ASIC2: variants seen among roughly 807,000 people sequenced by gnomAD.
ASIC2 encodes acid-sensing ion channel 2.
A neutral mutation model predicts 57.3 loss-of-function variants in ASIC2; 25 were observed. That is an observed-to-expected ratio of 0.44 (90% CI 0.32 to 0.61). The LOEUF is 0.61. ASIC2 is among the 20% of genes least tolerant of loss of function. The probability of loss-of-function intolerance (pLI) is 0.06; values close to 1 mark genes in which losing one functional copy is unlikely to be tolerated. For missense variants in ASIC2, 641 were observed against 738.1 expected, an observed-to-expected ratio of 0.87 and a Z score of 1.52; for synonymous variants, 319 against 307.5, an observed-to-expected ratio of 1.04 and a Z score of -0.39.
rs137920710 is a variant in ASIC2 at position 34,003,598 on chromosome 17, A to T, written c.555+152380T>A. The T allele has an allele frequency of 5.9e-5, 9 of 152,246 alleles. No homozygotes were observed. The East Asian group carries it at 1.7e-3, about 29-fold the overall frequency. 9.4% of individuals were successfully genotyped at this position (152,246 alleles called of 1,614,324 possible). On this transcript the variant is annotated intron_variant, in intron 1 of 9. Transcript: ENST00000359872. ...ATCATCATGATTAACTGATGTTTCC[A>T]GCAAGGCTAGGTGCTTTGCGTGTTT...
chr17:33,331,754 T>G (rs1465615376), intron 1 of ASIC2, among the ~76,000 whole-genome samples: 2 of 152,244 alleles, frequency 1.3e-5, no homozygotes, highest in African/African-American at 4.8e-5. Flanking sequence ...TAATATCATT[T>G]AGTTCTTACA....
intron 1 of ASIC2, among the ~76,000 whole-genome samples, chr17:33,871,330 C>A (rs1914400502): frequency 1.3e-5 from 2 of 152,180 alleles, no homozygotes; most frequent in Admixed American, 1.3e-4. Flanking sequence ...GTATTTTGGG[C>A]AGCACTTGAA....
At chr17:33,324,765 A>T (rs138966287) in intron 1 of ASIC2, among the ~76,000 whole-genome samples, 1 of 152,250 alleles carries the variant, frequency 6.6e-6, no homozygotes, top group African/African-American at 2.4e-5. Context: ...CAGCACAAAG[A>T]CTGTTTCTGT....
At chr17:33,710,187 G>A (rs1042294253) in intron 1 of ASIC2, among the ~76,000 whole-genome samples, 1 of 152,182 alleles carries the variant, frequency 6.6e-6, no homozygotes, top group South Asian at 2.1e-4. Context: ...AAGCCATGTG[G>A]CAAGAGAGAC....
intron 1 of ASIC2, among the ~76,000 whole-genome samples, chr17:33,773,544 C>A (rs1298378168): frequency 1.3e-5 from 2 of 152,026 alleles, no homozygotes; most frequent in African/African-American, 4.8e-5. Context: ...TAGTCATTTT[C>A]TCTCTGTGGA....
At chr17:33,627,246 C>G (rs979774729) in intron 1 of ASIC2, 3 of 152,256 alleles carry the variant, frequency 2.0e-5, no homozygotes, top group African/African-American at 7.2e-5. Context: ...CATGTCTTCC[C>G]TGGAGCAACC....
chr17:33,609,229 A>G (rs983849266), intron 1 of ASIC2, among the ~76,000 whole-genome samples: 28 of 152,168 alleles, frequency 1.8e-4, no homozygotes, highest in Non-Finnish European at 3.1e-4. Flanking sequence ...TTATCTTTGT[A>G]CAAGGCAAAA....
chr17:33,267,193 C>A (rs1357074835), intron 1 of ASIC2, among the ~76,000 whole-genome samples: 1 of 152,124 alleles, frequency 6.6e-6, no homozygotes, highest in Non-Finnish European at 1.5e-5. Flanking sequence ...CACATGCCCA[C>A]ATAAACACAC....
At chr17:33,816,425 T>C (rs982761198) in intron 1 of ASIC2, among the ~76,000 whole-genome samples, 2 of 152,218 alleles carry the variant, frequency 1.3e-5, no homozygotes, top group African/African-American at 4.8e-5. Context: ...TGTTAGCTCA[T>C]GTAATTCTGG....
At chr17:33,808,371 T>G (rs956502202) in intron 1 of ASIC2, among the ~76,000 whole-genome samples, 3 of 152,228 alleles carry the variant, frequency 2.0e-5, no homozygotes, top group Admixed American at 6.5e-5. Flanking sequence ...CTCTATTCTT[T>G]CCATTGATCC....
chr17:33,494,405 A>G (rs1220691868), intron 1 of ASIC2, among the ~76,000 whole-genome samples: 1 of 152,196 alleles, frequency 6.6e-6, no homozygotes, highest in African/African-American at 2.4e-5. Flanking sequence ...AGACTCTTAG[A>G]GATTGTGGCC....
chr17:33,799,403 T>TTTCTTTTCTTTCTTTCTTTC (rs756059318), intron 1 of ASIC2, among the ~76,000 whole-genome samples: 6 of 51,360 alleles, frequency 1.2e-4, no homozygotes, highest in African/African-American at 3.9e-4. Context: ...TCTTTCTTTC[T>TTTCTTTTCTTTCTTTCTTTC]TTTCTTTCTT....
intron 1 of ASIC2, among the ~76,000 whole-genome samples, chr17:33,157,985 G>A (rs1449660937): frequency 6.6e-6 from 1 of 152,192 alleles, no homozygotes; most frequent in Non-Finnish European, 1.5e-5. Flanking sequence ...CTCCTGGAAT[G>A]TTCCTCCCCC....
intron 1 of ASIC2, among the ~76,000 whole-genome samples, chr17:33,684,279 G>A (rs576367451): frequency 6.6e-6 from 1 of 152,336 alleles, no homozygotes; most frequent in African/African-American, 2.4e-5. Context: ...TGGCTACCAG[G>A]AGCTCCAGGG....
intron 1 of ASIC2, among the ~76,000 whole-genome samples, chr17:33,756,086 T>C (rs1192976962): frequency 6.6e-6 from 1 of 152,216 alleles, no homozygotes; most frequent in Non-Finnish European, 1.5e-5. Context: ...ACCCCAATAC[T>C]CTATCAGCAT....
At chr17:33,613,896 T>C (rs1476518296) in intron 1 of ASIC2, among the ~76,000 whole-genome samples, 2 of 152,146 alleles carry the variant, frequency 1.3e-5, no homozygotes, top group African/African-American at 4.8e-5. Context: ...CCAATATTGT[T>C]TGTTCGTTTA....
At chr17:33,529,286 T>C (rs927970738) in intron 1 of ASIC2, among the ~76,000 whole-genome samples, 2 of 152,136 alleles carry the variant, frequency 1.3e-5, no homozygotes, top group Non-Finnish European at 2.9e-5. Flanking sequence ...CCAATCAGAA[T>C]CTCCAGGGGG....
chr17:34,131,166 T>C (rs1202926736), intron 1 of ASIC2, among the ~76,000 whole-genome samples: 1 of 151,782 alleles, frequency 6.6e-6, no homozygotes, highest in African/African-American at 2.4e-5. Flanking sequence ...CTTTGCACCA[T>C]GAAGAATTGG....
chr17:33,180,888 G>T (rs1905954263), intron 1 of ASIC2, among the ~76,000 whole-genome samples: 1 of 152,128 alleles, frequency 6.6e-6, no homozygotes, highest in Non-Finnish European at 1.5e-5. Context: ...AGTCTGGTTG[G>T]TTCAATGCTC....
Sources: gnomAD v4.1 joint callset for allele counts (sites outside exome capture counted in the v4.1 genomes callset) on GRCh38, gnomAD v4.1.1 for gene constraint, MANE v1.5 for transcripts, NCBI Gene and HGNC (gene_info 2026-07-23, HGNC 2026-07-21) for gene names.